The following CPXM2 variants were observed in gnomAD, a reference collection of about 807,000 sequenced individuals.
The protein encoded by CPXM2 is inactive carboxypeptidase-like protein X2.
In CPXM2, 66 loss-of-function variants were observed where a neutral mutation model predicts 86.1. The ratio of observed to expected loss-of-function variants is 0.77; its 90% confidence interval spans 0.63 to 0.94. The LOEUF (loss-of-function observed/expected upper bound fraction) is 0.94. Ranked by LOEUF, CPXM2 falls within the 40% of genes least tolerant of loss-of-function variation. CPXM2 has a pLI of 0.00. For missense variants in CPXM2, 948 were observed against 1,026.3 expected, an observed-to-expected ratio of 0.92 and a Z score of 1.04; for synonymous variants, 388 against 400.2, an observed-to-expected ratio of 0.97 and a Z score of 0.36.
chr10:123,934,539 A>G (rs1243945095), intron 2 of CPXM2, among the ~76,000 whole-genome samples: 1 of 151,624 alleles, frequency 6.6e-6, no homozygotes, highest in Non-Finnish European at 1.5e-5. Flanking sequence ...GTTTGACCTC[A>G]TCTTGATTCC....
At chr10:123,784,827 T>C (rs1847013554) in intron 6 of CPXM2, among the ~76,000 whole-genome samples, 1 of 152,200 alleles carries the variant, frequency 6.6e-6, no homozygotes, top group Admixed American at 6.5e-5. Context: ...CCTTCTCCCG[T>C]TCACGTACGA....
At chr10:123,768,791 A>G in intron 8 of CPXM2, 69 bp from the exon 9 acceptor site, 1 of 1,369,250 alleles carries the variant, frequency 7.3e-7, no homozygotes, top group Non-Finnish European at 1.0e-6. Context: ...TGCTTGTCAC[A>G]TTGTGTTGGG....
At chr10:123,778,786 T>C (rs773172374) in intron 7 of CPXM2, among the ~76,000 whole-genome samples, 2 of 152,084 alleles carry the variant, frequency 1.3e-5, no homozygotes, top group East Asian at 1.9e-4. Context: ...CTCCATAAAA[T>C]GGAATGGCAA....
Position 123,767,148 on chromosome 10 carries a change from G to A in CPXM2, c.1304C>T (p.Ser435Leu), listed in dbSNP as rs748507520. ...TCCCAGGGACCAGCCTCCCAGCTCC[G>A]AGCCCTGGAGACAAGTGAGAGTGTG... ...DGYEKAYEGG[S>L]ELGGWSLGRW... The change falls in exon 10 of 14, where the codon TCG (serine) becomes TTG (leucine). Residue 435 changes from serine to leucine, a missense_variant. Physicochemically the swap from Ser to Leu is moderately radical, Grantham distance 145. Transcript: ENST00000241305. 1.5e-4 allele frequency: 238 copies of A among 1,613,750 alleles called. No homozygotes were observed. Among genetic ancestry groups the A allele is most frequent in the Admixed American group, 2.8e-4 (17 of 59,998 alleles).
At position 123,789,087 on chromosome 10, in the gene CPXM2, C is replaced by T. The variant is rs530461585; in HGVS notation, c.890-8832G>A. The stretch of plus-strand genomic sequence containing the variant: ...GAACAAAGATGGTGTGAGCTGAGCA[C>T]GAAACCCCTCCCACAAAGAGCTGGC... On this transcript the variant is annotated intron_variant, in intron 6 of 13. Transcript: ENST00000241305. Among the ~76,000 whole-genome samples the T allele has an allele frequency of 1.8e-4, 28 of 152,200 alleles. No homozygotes were observed. The East Asian group carries it at 1.9e-3, about 11-fold the overall frequency.
intron 4 of CPXM2, among the ~76,000 whole-genome samples, chr10:123,816,847 T>A (rs1457033095): frequency 2.6e-5 from 4 of 152,226 alleles, no homozygotes; most frequent in African/African-American, 9.6e-5. Flanking sequence ...CCACAAGATA[T>A]CACATTGATC....
At chr10:123,853,309 TC>T (rs1376904973) in intron 3 of CPXM2, among the ~76,000 whole-genome samples, 1 of 152,216 alleles carries the variant, frequency 6.6e-6, no homozygotes, top group Non-Finnish European at 1.5e-5. Flanking sequence ...TTATCCAGTC[TC>T]AGCCGTTTCT....
chr10:123,784,001 ATC>A (rs1846994704), intron 6 of CPXM2, among the ~76,000 whole-genome samples: 1 of 152,154 alleles, frequency 6.6e-6, no homozygotes, highest in Non-Finnish European at 1.5e-5. Flanking sequence ...TGGTCTACTA[ATC>A]CTGCCCTGTT....
At chr10:123,785,250 G>T (rs1228283754) in intron 6 of CPXM2, among the ~76,000 whole-genome samples, 1 of 152,156 alleles carries the variant, frequency 6.6e-6, no homozygotes, top group Non-Finnish European at 1.5e-5. Context: ...GATCCTACAG[G>T]TTTGGAAGAA....
Position 123,746,746 on chromosome 10 carries a change from C to G in CPXM2, c.*18G>C, listed in dbSNP as rs751097961. The G allele has an allele frequency of 3.7e-6, 6 of 1,612,946 alleles. No individual in the cohort carries two copies. The highest frequency in any genetic ancestry group is 4.2e-6 in the Non-Finnish European group (5 of 1,179,524). ...TAATTTGCATGGGTCCCAGACGAGT[C>G]TCAAGGGCCCAGGAGGGTCACCCAC... On this transcript the variant is annotated 3_prime_UTR_variant, in exon 14 of 14. Transcript: ENST00000241305.
At chr10:123,840,506 T>C (rs1053195993) in intron 4 of CPXM2, among the ~76,000 whole-genome samples, 2 of 152,120 alleles carry the variant, frequency 1.3e-5, no homozygotes, top group Non-Finnish European at 2.9e-5. Flanking sequence ...TAATAGAAAA[T>C]TGGGACAGTG....
chr10:123,791,573 A>G (rs1847208210), intron 6 of CPXM2, among the ~76,000 whole-genome samples: 1 of 152,184 alleles, frequency 6.6e-6, no homozygotes, highest in Non-Finnish European at 1.5e-5. Flanking sequence ...GCGACGTCAC[A>G]TGGCATTCTC....
chr10:123,865,013 G>A lies in CPXM2; in HGVS notation c.404-2290C>T, dbSNP rs868005689. Among the ~76,000 whole-genome samples the A allele has an allele frequency of 2.0e-5, 3 of 152,112 alleles. No individual in the cohort carries two copies. Among genetic ancestry groups the A allele is most frequent in the South Asian group, 2.1e-4 (1 of 4,824 alleles). On this transcript the variant is annotated intron_variant, in intron 2 of 13. Coordinates refer to ENST00000241305, the MANE Select transcript of CPXM2 (RefSeq NM_198148.3). This position sits in a 1 kb window ranked among gnomAD's most constrained non-coding sequence, Gnocchi z 4.7. The stretch of plus-strand genomic sequence containing the variant: ...CCTCTCACGGGCTGAGTTTCCCGCC[G>A]CCAGCAGTGCTGGCAGCTGCCACAT...
chr10:123,905,837 C>T (rs1171508499), intron 2 of CPXM2, among the ~76,000 whole-genome samples: 1 of 152,148 alleles, frequency 6.6e-6, no homozygotes, highest in Non-Finnish European at 1.5e-5. Flanking sequence ...TCTGACTCCT[C>T]ACCCAGAAAC....
At chr10:123,898,056 G>A (rs535417426) in intron 2 of CPXM2, among the ~76,000 whole-genome samples, 112 of 152,316 alleles carry the variant, frequency 7.4e-4, no homozygotes, top group African/African-American at 2.2e-3. Flanking sequence ...CAGACTCCAC[G>A]CCAGGGGTCT....
chr10:123,762,241 C>T (rs1846365023), intron 10 of CPXM2, 72 bp from the exon 11 acceptor site: 1 of 1,594,820 alleles, frequency 6.3e-7, no homozygotes, highest in Non-Finnish European at 8.6e-7. Flanking sequence ...CAAACAGGGA[C>T]ATAGTCGAAA....
At chr10:123,925,826 A>G (rs939370584) in intron 2 of CPXM2, among the ~76,000 whole-genome samples, 6 of 152,234 alleles carry the variant, frequency 3.9e-5, no homozygotes, top group African/African-American at 1.4e-4. Context: ...TCTAGAAACA[A>G]CAGAGCAATG....
chr10:123,838,329 T>C (rs1172896729), intron 4 of CPXM2, among the ~76,000 whole-genome samples: 3 of 152,114 alleles, frequency 2.0e-5, no homozygotes, highest in Admixed American at 6.5e-5. Context: ...GGCACAGTGA[T>C]AGGTGCCTGT....
intron 2 of CPXM2, among the ~76,000 whole-genome samples, chr10:123,871,447 A>G (rs1307756439): frequency 6.6e-6 from 1 of 152,242 alleles, no homozygotes; most frequent in African/African-American, 2.4e-5. Flanking sequence ...CTCAAAAAAA[A>G]GGAATTATTG....
Sources: gnomAD v4.1 joint callset for allele counts (sites outside exome capture counted in the v4.1 genomes callset) on GRCh38, gnomAD v4.1.1 for gene constraint, Gnocchi (gnomAD v3.1) non-coding constraint, MANE v1.5 for transcripts, NCBI Gene and HGNC (gene_info 2026-07-23, HGNC 2026-07-21) for gene names.